Variants in EFCAB14 observed in about 807,000 individuals in gnomAD.
EFCAB14 encodes EF-hand calcium binding domain 14.
A neutral mutation model predicts 56.5 loss-of-function variants in EFCAB14; 43 were observed. That is an observed-to-expected ratio of 0.76 (90% CI 0.60 to 0.98). The LOEUF (loss-of-function observed/expected upper bound fraction) is 0.98, where lower values mean the gene tolerates loss of function less well. Among genes scored for constraint, EFCAB14 ranks in the 50% least tolerant of loss-of-function variants. EFCAB14 has a pLI of 0.00. For missense variants in EFCAB14, 538 were observed against 580.3 expected (o/e 0.93, Z 0.75); for synonymous variants, 235 against 212.9 (o/e 1.10, Z -0.90).
chr1:46,684,563 CT>C lies in EFCAB14; in HGVS notation c.1113del (p.Glu372ArgfsTer5). ...AGAGCACTGATCAGCTGGAGTTTCT[CT>C]CTTAGCTTGGATACCTGAGAATTTG... ...DSSNSQVSKL[R>X]EKLQLISALT... On this transcript the variant is annotated frameshift_variant, in exon 9 of 11. Transcript: ENST00000371933. LOFTEE classifies it high-confidence loss of function. 3 of 1,614,110 alleles carry C rather than the reference CT, an allele frequency of 1.9e-6. No homozygotes were observed. The South Asian group carries it at 3.3e-5, about 18-fold the overall frequency.
chr1:46,694,124 C>A (rs1463752548), intron 4 of EFCAB14, among the ~76,000 whole-genome samples: 1 of 152,100 alleles, frequency 6.6e-6, no homozygotes, highest in African/African-American at 2.4e-5. Context: ...CCATAAAAAC[C>A]CTAGAAGAAA....
intron 2 of EFCAB14, among the ~76,000 whole-genome samples, chr1:46,710,656 C>T (rs1026182748): frequency 6.6e-6 from 1 of 152,132 alleles, no homozygotes; most frequent in Non-Finnish European, 1.5e-5. Flanking sequence ...TGGGCTCAGG[C>T]GATCCTTCTG....
At position 46,718,182 on chromosome 1, in the gene EFCAB14, G is replaced by T. The variant is rs1349181383; in HGVS notation, c.-95C>A. On this transcript the variant is annotated 5_prime_UTR_variant, in exon 1 of 11. Coordinates refer to ENST00000371933, the MANE Select transcript of EFCAB14 (RefSeq NM_014774.3). ...TCCTGCCTTGGAGCTGCCTTCCAGG[G>T]TTGGGAATCCTGGGCCAGAGCCCCC... 1.4e-6 allele frequency: 2 copies of T among 1,385,864 alleles called. No individual in the cohort carries two copies. The highest frequency in any genetic ancestry group is 1.4e-5 in the African/African-American group (1 of 69,720). 85.8% of individuals were successfully genotyped at this position (1,385,864 alleles called of 1,614,324 possible).
At chr1:46,694,185 A>G (rs1179213208) in intron 4 of EFCAB14, among the ~76,000 whole-genome samples, 1 of 152,216 alleles carries the variant, frequency 6.6e-6, no homozygotes, top group Non-Finnish European at 1.5e-5. Flanking sequence ...CTTCATGTCT[A>G]AAACACCAAA....
chr1:46,707,767 A>C (rs1677253947), intron 3 of EFCAB14, 139 bp downstream of exon 3: 1 of 721,738 alleles, frequency 1.4e-6, no homozygotes, highest in Non-Finnish European at 2.1e-6. Flanking sequence ...TGCTGGGATT[A>C]CAGTATGCAA....
chr1:46,711,498 C>T (rs17102459), intron 2 of EFCAB14, among the ~76,000 whole-genome samples: 3,080 of 152,242 alleles, frequency 0.02, 87 homozygotes, highest in African/African-American at 0.07. Flanking sequence ...ATCCTGAGGA[C>T]TCTATGAGCC....
intron 2 of EFCAB14, 144 bp from the exon 3 acceptor site, chr1:46,708,195 T>A (rs1204741283): frequency 1.2e-6 from 1 of 832,238 alleles, no homozygotes; most frequent in African/African-American, 1.8e-5. Context: ...TAAATATATA[T>A]CTTTCACACT....
intron 7 of EFCAB14, among the ~76,000 whole-genome samples, chr1:46,687,647 A>G (rs916053837): frequency 2.6e-5 from 4 of 152,122 alleles, no homozygotes; most frequent in Non-Finnish European, 5.9e-5. Context: ...TGAAATCTTT[A>G]AGGGTGGGGG....
At chr1:46,690,285 T>C (rs1676970241) in intron 5 of EFCAB14, among the ~76,000 whole-genome samples, 1 of 152,228 alleles carries the variant, frequency 6.6e-6, no homozygotes, top group African/African-American at 2.4e-5. Flanking sequence ...AACATGTTTA[T>C]ATACACTTTT....
intron 7 of EFCAB14, 88 bp from the exon 8 acceptor site, chr1:46,686,958 C>A (rs3766223): frequency 0.048 from 59,408 of 1,231,502 alleles, 7,979 homozygotes; most frequent in East Asian, 0.39. Context: ...TAAACAAATT[C>A]GTCAAACTTA....
rs1676734933 is a variant in EFCAB14, at chr1:46,678,606, T to C, written c.1343A>G (p.Gln448Arg). The change falls in exon 11 of 11, where the codon CAG becomes CGG. Residue 448 changes from glutamine (Q) to arginine (R), a missense_variant. Gln to Arg is a conservative substitution (Grantham distance 43). Transcript: ENST00000371933. Reference protein sequence around the residue: ...DLQDLFRKTGQDVDGKLTYQE... With the variant: ...DLQDLFRKTGRDVDGKLTYQE... Reference sequence around the variant, plus strand: ...GTAGGTCAGCTTCCCATCCACGTCCTGGCCAGTCTTGCGGAATAAATCCTG... The same window carrying C: ...GTAGGTCAGCTTCCCATCCACGTCCCGGCCAGTCTTGCGGAATAAATCCTG... 1 of 1,613,744 alleles carries C rather than the reference T, an allele frequency of 6.2e-7. No individual in the cohort carries two copies. Among genetic ancestry groups the C allele is most frequent in the South Asian group, 1.1e-5 (1 of 91,040 alleles).
chr1:46,695,481 T>C (rs1009497383), intron 4 of EFCAB14, among the ~76,000 whole-genome samples: 2 of 152,234 alleles, frequency 1.3e-5, no homozygotes, highest in African/African-American at 4.8e-5. Flanking sequence ...TCTTCGCTTA[T>C]GGCTTAGAAA....
intron 3 of EFCAB14, among the ~76,000 whole-genome samples, chr1:46,700,986 A>AGTGTGTGTGT (rs3991763): frequency 0.083 from 11,925 of 142,830 alleles, 774 homozygotes; most frequent in East Asian, 0.22. Flanking sequence ...AGAGTGAGTG[A>AGTGTGTGTGT]GTGTGTGTGT....
intron 2 of EFCAB14, 38 bp from the exon 3 acceptor site, chr1:46,708,089 A>ATTAT (rs1677258622): frequency 6.3e-7 from 1 of 1,592,858 alleles, no homozygotes; most frequent in Non-Finnish European, 8.5e-7. Context: ...AACTAGCATA[A>ATTAT]AGTGCCCTCA....
At chr1:46,683,684 C>A (rs565062669) in intron 9 of EFCAB14, among the ~76,000 whole-genome samples, 36 of 152,248 alleles carry the variant, frequency 2.4e-4, no homozygotes, top group African/African-American at 5.1e-4. Flanking sequence ...TACAAGCTAG[C>A]ATTAAACATG....
chr1:46,708,894 T>A (rs560484657), intron 2 of EFCAB14, among the ~76,000 whole-genome samples: 1 of 151,320 alleles, frequency 6.6e-6, no homozygotes, highest in African/African-American at 2.4e-5. Context: ...TCCCTTTTCA[T>A]AGAAAATAAA....
At chr1:46,694,335 A>G (rs1569705659) in intron 4 of EFCAB14, among the ~76,000 whole-genome samples, 1 of 152,396 alleles carries the variant, frequency 6.6e-6, no homozygotes, top group East Asian at 1.9e-4. Flanking sequence ...CTCATCTGAC[A>G]AACGGCTAAT....
chr1:46,702,091 T>G (rs557866530), intron 3 of EFCAB14, among the ~76,000 whole-genome samples: 1 of 152,336 alleles, frequency 6.6e-6, no homozygotes, highest in Non-Finnish European at 1.5e-5. Context: ...AAAAGTTGAA[T>G]TAAATAGAAC....
chr1:46,690,540 G>A (rs184597952), intron 5 of EFCAB14, among the ~76,000 whole-genome samples: 1 of 152,124 alleles, frequency 6.6e-6, no homozygotes, highest in African/African-American at 2.4e-5. Context: ...GAGAAGGAGG[G>A]GGGAATCCAT....
Sources: gnomAD v4.1 joint callset for allele counts (sites outside exome capture counted in the v4.1 genomes callset) on GRCh38, gnomAD v4.1.1 for gene constraint, MANE v1.5 for transcripts, NCBI Gene and HGNC (gene_info 2026-07-23, HGNC 2026-07-21) for gene names.